CTNNA2: variants seen among roughly 807,000 people sequenced by gnomAD.
CTNNA2 encodes the protein catenin alpha-2.
A neutral mutation model predicts 101.0 loss-of-function variants in CTNNA2; 42 were observed. That is an observed-to-expected ratio of 0.42 (90% CI 0.32 to 0.54). CTNNA2 has a LOEUF of 0.54. Among genes scored for constraint, CTNNA2 ranks in the 20% least tolerant of loss-of-function variants. The pLI, the probability that CTNNA2 is intolerant of heterozygous loss-of-function variation, is 0.14. For synonymous variants in CTNNA2, 450 were observed against 456.4 expected, an observed-to-expected ratio of 0.99 and a Z score of 0.18; for missense variants, 871 against 1,223.1, an observed-to-expected ratio of 0.71 and a Z score of 4.29.
chr2:80,504,824 T>C (rs1186469781), intron 9 of CTNNA2, among the ~76,000 whole-genome samples: 3 of 152,226 alleles, frequency 2.0e-5, no homozygotes, highest in African/African-American at 4.8e-5. Flanking sequence ...ACGTGGCCTG[T>C]GGCTCACCTT....
intron 7 of CTNNA2, among the ~76,000 whole-genome samples, chr2:80,321,765 C>G (rs1368033268): frequency 6.6e-6 from 1 of 152,092 alleles, no homozygotes; most frequent in African/African-American, 2.4e-5. Context: ...ATGAGAAATG[C>G]TAAATCACCA....
Position 80,189,743 on chromosome 2 carries a change from C to T in CTNNA2, c.1057-203468C>T, listed in dbSNP as rs532222337. On this transcript the variant is annotated intron_variant, in intron 7 of 18. Transcript: ENST00000402739. ...AGAGGTGACTAGACAAGGTCCTCAA[C>T]CAGTTAAAAAAAAAACAAAACAAAA... Among the ~76,000 whole-genome samples the T allele has an allele frequency of 7.1e-5, 9 of 126,780 alleles. No homozygotes were observed. In the South Asian group the frequency reaches 2.1e-3, roughly 29 times the overall value. The allele number at this position is 126,780 out of a possible 152,430, so 83.2% of individuals were successfully genotyped here.
At chr2:80,609,516 C>A (rs1041950789) in intron 17 of CTNNA2, among the ~76,000 whole-genome samples, 1 of 151,700 alleles carries the variant, frequency 6.6e-6, no homozygotes, top group South Asian at 2.1e-4. Context: ...CTTCAACATT[C>A]TTCAGCAACC....
intron 7 of CTNNA2, among the ~76,000 whole-genome samples, chr2:80,064,630 A>T (rs1216090172): frequency 6.6e-6 from 1 of 152,194 alleles, no homozygotes; most frequent in Admixed American, 6.5e-5. Flanking sequence ...GCTGTTGGTC[A>T]ATGGCACGTC....
chr2:80,378,884 A>T (rs776802964), intron 7 of CTNNA2: 5 of 152,154 alleles, frequency 3.3e-5, no homozygotes, highest in Non-Finnish European at 2.9e-5. Context: ...GAAAGCACTG[A>T]TCTGTCGTGG....
At chr2:80,460,976 A>G (rs1280199059) in intron 9 of CTNNA2, among the ~76,000 whole-genome samples, 1 of 152,228 alleles carries the variant, frequency 6.6e-6, no homozygotes, top group African/African-American at 2.4e-5. Context: ...CCGTTCCAGG[A>G]ACACAATTTG....
intron 9 of CTNNA2, among the ~76,000 whole-genome samples, chr2:80,540,596 C>CAAAAA (rs201536941): frequency 7.5e-6 from 1 of 132,732 alleles, no homozygotes. Context: ...GACTCCATCT[C>CAAAAA]AAAAAAAAAA....
chr2:80,581,591 G>A (rs892720169), intron 13 of CTNNA2, 115 bp from the exon 14 acceptor site: 48 of 684,504 alleles, frequency 7.0e-5, no homozygotes, highest in African/African-American at 3.5e-5. Flanking sequence ...TGGGTGCTAT[G>A]TAGGATGCTA....
At chr2:80,388,439 T>C (rs768746867) in intron 7 of CTNNA2, among the ~76,000 whole-genome samples, 1 of 152,232 alleles carries the variant, frequency 6.6e-6, no homozygotes, top group African/African-American at 2.4e-5. Flanking sequence ...AAACTTCAAC[T>C]GCCTGTCAAT....
intron 6 of CTNNA2, among the ~76,000 whole-genome samples, chr2:79,896,197 C>T (rs187419339): frequency 2.7e-4 from 41 of 152,050 alleles, no homozygotes; most frequent in African/African-American, 8.9e-4. Flanking sequence ...ATAGAAGGAT[C>T]ACTTGAGCCT....
intron 7 of CTNNA2, among the ~76,000 whole-genome samples, chr2:80,188,747 T>C (rs770478385): frequency 5.3e-5 from 8 of 152,130 alleles, no homozygotes; most frequent in Non-Finnish European, 1.2e-4. Context: ...TGATTTACAT[T>C]GGGACCACTT....
At chr2:79,560,035 T>A (rs1674681446) in intron 1 of CTNNA2, among the ~76,000 whole-genome samples, 1 of 151,708 alleles carries the variant, frequency 6.6e-6, no homozygotes, top group Admixed American at 6.6e-5. Flanking sequence ...CTGACTCACT[T>A]CTCCAAGAAA....
intron 2 of CTNNA2, among the ~76,000 whole-genome samples, chr2:79,658,598 A>G (rs1681787139): frequency 6.6e-6 from 1 of 152,072 alleles, no homozygotes; most frequent in Non-Finnish European, 1.5e-5. Flanking sequence ...TGAGAGTTCA[A>G]CCTTTACCTT....
At chr2:80,347,352 C>G (rs1947033) in intron 7 of CTNNA2, among the ~76,000 whole-genome samples, 54 of 152,164 alleles carry the variant, frequency 3.5e-4, no homozygotes, top group African/African-American at 1.1e-3. Context: ...TGCCATTTAA[C>G]AGGAAATTCA....
intron 7 of CTNNA2, among the ~76,000 whole-genome samples, chr2:80,355,196 T>C (rs1459941206): frequency 6.6e-6 from 1 of 152,162 alleles, no homozygotes; most frequent in Non-Finnish European, 1.5e-5. Flanking sequence ...GTAATATCAC[T>C]GTCCAGCCTG....
chr2:79,729,549 AC>A, intron 2 of CTNNA2, among the ~76,000 whole-genome samples: 1 of 152,132 alleles, frequency 6.6e-6, no homozygotes, highest in Non-Finnish European at 1.5e-5. Context: ...AAATGCTAAT[AC>A]CAGTTTTAAA....
chr2:80,134,718 T>C (rs967738083), intron 7 of CTNNA2, among the ~76,000 whole-genome samples: 4 of 152,222 alleles, frequency 2.6e-5, no homozygotes, highest in South Asian at 2.1e-4. Flanking sequence ...CCGGTTGTGC[T>C]TCAAAGCCGT....
chr2:79,801,992 C>CAAAAA (rs57124311), intron 3 of CTNNA2, among the ~76,000 whole-genome samples: 4 of 63,798 alleles, frequency 6.3e-5, no homozygotes, highest in Admixed American at 1.8e-4. Flanking sequence ...AACTCTGTCT[C>CAAAAA]AAAAAAAAAA....
chr2:79,494,563 A>G (rs1671236250), intron 4 of CTNNA2, among the ~76,000 whole-genome samples: 1 of 152,104 alleles, frequency 6.6e-6, no homozygotes, highest in African/African-American at 2.4e-5. Flanking sequence ...AGTACAAAAG[A>G]TTTTTTCAAC....
Sources: gnomAD v4.1 joint callset for allele counts (sites outside exome capture counted in the v4.1 genomes callset) on GRCh38, gnomAD v4.1.1 for gene constraint, MANE v1.5 for transcripts, NCBI Gene and HGNC (gene_info 2026-07-23, HGNC 2026-07-21) for gene names.